FANCD2OS: variants seen among roughly 807,000 people sequenced by gnomAD.
FANCD2OS encodes the protein FANCD2 opposite strand protein.
A neutral mutation model predicts 13.2 loss-of-function variants in FANCD2OS; 11 were observed. The ratio of observed to expected loss-of-function variants is 0.83; its 90% CI spans 0.52 to 1.38. FANCD2OS has a LOEUF of 1.38. FANCD2OS is among the 40% of genes most tolerant of loss of function. The probability of loss-of-function intolerance (pLI) is 0.00; values close to 1 mark genes in which losing one functional copy is unlikely to be tolerated. For synonymous variants in FANCD2OS, 69 were observed against 84.5 expected, an observed-to-expected ratio of 0.82 and a Z score of 1.01; for missense variants, 217 against 213.9, an observed-to-expected ratio of 1.01 and a Z score of -0.09.
chr3:10,098,652 A>T (rs1046694316), downstream of FANCD2OS: 5 of 1,579,732 alleles, frequency 3.2e-6, no homozygotes, highest in East Asian at 6.9e-5. Context: ...TGTAAACTCA[A>T]CCTTCTCCCC....
chr3:10,103,615 A>C (rs539791477), downstream of FANCD2OS, among the ~76,000 whole-genome samples: 3 of 152,242 alleles, frequency 2.0e-5, no homozygotes, highest in South Asian at 2.1e-4. Flanking sequence ...TTAGGAGTAC[A>C]TTTCAGCTAA....
intron 1 of FANCD2OS, among the ~76,000 whole-genome samples, chr3:10,105,765 AAAAAAATTATATATATATATAT>A (rs1695461368): frequency 4.8e-5 from 3 of 62,670 alleles, no homozygotes; most frequent in African/African-American, 3.2e-4. Flanking sequence ...AAAAAAAAAA[AAAAAAATTATATATATATATAT>A]ATATATATAT....
chr3:10,087,150 T>A (rs1464122263), intron 2 of FANCD2OS: 5 of 1,614,164 alleles, frequency 3.1e-6, no homozygotes, highest in Non-Finnish European at 4.2e-6. Flanking sequence ...CGTCCATTAC[T>A]TGCAGAATTT....
downstream of FANCD2OS, among the ~76,000 whole-genome samples, chr3:10,099,976 G>A (rs1247550032): frequency 1.3e-5 from 2 of 151,990 alleles, no homozygotes; most frequent in Admixed American, 6.6e-5. Flanking sequence ...TGGGAGGACC[G>A]CTTAAGCCCA....
intron 1 of FANCD2OS, among the ~76,000 whole-genome samples, chr3:10,105,774 ATATATATATATAT>A (rs1695473860): frequency 1.1e-4 from 1 of 9,182 alleles, no homozygotes; most frequent in African/African-American, 6.9e-4. Context: ...AAAAAAAATT[ATATATATATATAT>A]ATATATATAT....
At chr3:10,092,897 C>T (rs1364905607) in intron 2 of FANCD2OS, among the ~76,000 whole-genome samples, 1 of 151,670 alleles carries the variant, frequency 6.6e-6, no homozygotes, top group Non-Finnish European at 1.5e-5. Flanking sequence ...TCATTCTGTT[C>T]CCCAGGCTGG....
intron 2 of FANCD2OS, among the ~76,000 whole-genome samples, chr3:10,084,525 T>C (rs1486031989): frequency 2.0e-5 from 3 of 151,304 alleles, no homozygotes; most frequent in Non-Finnish European, 2.9e-5. Flanking sequence ...GTCTTGAACC[T>C]CTGGGCTCAA....
chr3:10,097,929 G>A (rs1439344618), downstream of FANCD2OS, among the ~76,000 whole-genome samples: 3 of 152,142 alleles, frequency 2.0e-5, no homozygotes, highest in Admixed American at 6.5e-5. Context: ...CGGTCCCTCC[G>A]TTTGGGGTCC....
downstream of FANCD2OS, chr3:10,101,364 CT>C: frequency 7.4e-6 from 5 of 675,880 alleles, no homozygotes; most frequent in Non-Finnish European, 1.0e-5. Context: ...TGGTAGGATC[CT>C]TTTTTGTTCC....
At chr3:10,093,737 G>A (rs563178975) in intron 2 of FANCD2OS, among the ~76,000 whole-genome samples, 1 of 152,276 alleles carries the variant, frequency 6.6e-6, no homozygotes, top group South Asian at 2.1e-4. Flanking sequence ...GCCTGTATTA[G>A]CCCTAGATTT....
At chr3:10,102,263 C>T (rs756475849), downstream of FANCD2OS, among the ~76,000 whole-genome samples, 11 of 151,704 alleles carry the variant, frequency 7.3e-5, no homozygotes, top group Non-Finnish European at 1.5e-4. Flanking sequence ...CCTGTCTCAG[C>T]CCCCTGTATA....
rs1181489981 is a variant in FANCD2OS at position 10,090,438 on chromosome 3, T to C, written c.*44-8907A>G. ...AGTGGACTTTGGATTACTTGGAAGT[T>C]GCTGATTTTTTTTTTTTTTTTTTTT... is the stretch of plus-strand genomic sequence containing the variant. On this transcript the variant is annotated intron_variant, in intron 2 of 2. Coordinates refer to the FANCD2OS transcript ENST00000524279. 10 of 882,160 alleles carry C rather than the reference T, an allele frequency of 1.1e-5. No homozygotes were observed. The East Asian group carries it at 2.5e-4, about 22-fold the overall frequency. 54.6% of individuals were successfully genotyped at this position (882,160 alleles called of 1,614,324 possible).
At chr3:10,091,471 C>G (rs953656946) in intron 2 of FANCD2OS, among the ~76,000 whole-genome samples, 9 of 147,420 alleles carry the variant, frequency 6.1e-5, no homozygotes, top group African/African-American at 1.7e-4. Context: ...GACCCTGTCT[C>G]AAAAAGAAAA....
chr3:10,088,820 C>T (rs2125077511), intron 2 of FANCD2OS: 2 of 1,613,854 alleles, frequency 1.2e-6, no homozygotes, highest in Non-Finnish European at 1.7e-6. Context: ...ATTTGACTCT[C>T]AATGCAGTAT....
In FANCD2OS at chr3:10,104,414, A is replaced by G. The variant is rs138382980; in HGVS notation, c.361T>C (p.Ser121Pro). 27 of 1,614,192 alleles carry G rather than the reference A, an allele frequency of 1.7e-5. No individual in the cohort carries two copies. In the East Asian group the frequency reaches 6.0e-4, roughly 36 times the overall value. Residue 121 changes from serine (S) to proline (P), a missense_variant, in exon 2 of 2, where the codon TCA (serine) becomes CCA (proline). Transcript: ENST00000450660. The stretch of plus-strand genomic sequence containing the variant: ...ATTTTGCAAAAGGCTGACTTGTCTG[A>G]AACTCTGAAAGTCCCGGTCCACTTT... Reference protein sequence around the residue: ...PPKWTGTFRVSDKSAFCKIIS... With the variant: ...PPKWTGTFRVPDKSAFCKIIS...
chr3:10,088,649 A>C, intron 2 of FANCD2OS: 7 of 1,086,046 alleles, frequency 6.4e-6, no homozygotes, highest in South Asian at 1.3e-5. Flanking sequence ...ATTTGAAAAC[A>C]ATGAAGTAGG....
intron 2 of FANCD2OS, chr3:10,095,454 G>T (rs570834893): frequency 6.8e-5 from 42 of 621,912 alleles, no homozygotes; most frequent in African/African-American, 6.4e-4. Flanking sequence ...CTCTAGAGGG[G>T]AATCTCCGCA....
chr3:10,108,181 G>A lies in FANCD2OS; in HGVS notation c.-175C>T. The A allele has an allele frequency of 6.6e-6, 1 of 152,426 alleles. No homozygotes were observed. The highest frequency in any genetic ancestry group is 1.5e-5 in the Non-Finnish European group (1 of 68,112). The allele number at this position is 152,426 out of a possible 1,614,324, so 9.4% of individuals were successfully genotyped here. ...CCGGGGGCGGGGACCAGAAGGTTCTGGCTGAGGCGGACGATGCGGTGGGAA... is the reference window on the plus strand; with the variant it reads ...CCGGGGGCGGGGACCAGAAGGTTCTAGCTGAGGCGGACGATGCGGTGGGAA... On this transcript the variant is annotated 5_prime_UTR_variant, in exon 1 of 2. The change creates a premature stop within an existing upstream ORF in the 5' untranslated region. Transcript: ENST00000450660.
intron 1 of FANCD2OS, among the ~76,000 whole-genome samples, chr3:10,107,150 A>T (rs149767303): frequency 1.6e-3 from 251 of 152,330 alleles, no homozygotes; most frequent in African/African-American, 5.8e-3. Flanking sequence ...TGACCTTCAG[A>T]GCACATATCC....
Sources: gnomAD v4.1 joint callset for allele counts (sites outside exome capture counted in the v4.1 genomes callset) on GRCh38, gnomAD v4.1.1 for gene constraint, MANE v1.5 for transcripts, NCBI Gene and HGNC (gene_info 2026-07-23, HGNC 2026-07-21) for gene names.